Variants in CATSPERE observed in about 807,000 individuals in gnomAD.
The protein encoded by CATSPERE is catsper channel auxiliary subunit epsilon, also known as cation channel sperm-associated auxiliary subunit epsilon.
Under a neutral mutation model 114.1 loss-of-function variants are expected in CATSPERE, and 93 were observed. The ratio of observed to expected loss-of-function variants is 0.81; its 90% confidence interval spans 0.69 to 0.97. The LOEUF is 0.97. Ranked by LOEUF, CATSPERE falls within the 50% of genes least tolerant of loss-of-function variation. The pLI, the probability that CATSPERE is intolerant of heterozygous loss-of-function variation, is 0.00. For synonymous variants in CATSPERE, 341 were observed against 384.1 expected, an observed-to-expected ratio of 0.89 and a Z score of 1.31; for missense variants, 1,058 against 1,131.6, an observed-to-expected ratio of 0.93 and a Z score of 0.93.
intron 17 of CATSPERE, among the ~76,000 whole-genome samples, chr1:244,596,614 G>C (rs1017895094): frequency 3.3e-5 from 5 of 152,032 alleles, no homozygotes; most frequent in African/African-American, 7.3e-5. Flanking sequence ...TGTCTGGGGT[G>C]GGGGGCAAGG....
intron 13 of CATSPERE, among the ~76,000 whole-genome samples, chr1:244,585,914 A>T (rs1396705602): frequency 6.6e-6 from 1 of 152,196 alleles, no homozygotes; most frequent in Non-Finnish European, 1.5e-5. Flanking sequence ...TTCCGAGATG[A>T]ACTTTCCCTG....
At chr1:244,492,050 T>A (rs140960929) in intron 6 of CATSPERE, among the ~76,000 whole-genome samples, 7,386 of 152,100 alleles carry the variant, frequency 0.049, 275 homozygotes, top group Non-Finnish European at 0.07. Flanking sequence ...TCTGAAACTA[T>A]TCCAATCAAT....
At position 244,524,083 on chromosome 1, in the gene CATSPERE, A is replaced by G. The variant is rs1318360286; in HGVS notation, c.536+5385A>G. 5.9e-5 allele frequency among the ~76,000 whole-genome samples: 9 copies of G among 151,696 alleles called. No individual in the cohort carries two copies. The East Asian group carries it at 1.3e-3, about 23-fold the overall frequency. The stretch of plus-strand genomic sequence containing the variant: ...GGAGGCATCACACTACCTGACTTCA[A>G]ACTATACTACAAGGCTGCAGTAACC... On this transcript the variant is annotated intron_variant, in intron 8 of 21. Coordinates refer to ENST00000366534, the MANE Select transcript of CATSPERE (RefSeq NM_001130957.2).
chr1:244,512,488 C>T (rs573528456), intron 7 of CATSPERE, among the ~76,000 whole-genome samples: 1 of 152,168 alleles, frequency 6.6e-6, no homozygotes, highest in South Asian at 2.1e-4. Context: ...TCTTGTATCT[C>T]ACTAAGTTTC....
upstream of CATSPERE, among the ~76,000 whole-genome samples, chr1:244,459,843 G>A (rs923587473): frequency 6.6e-6 from 1 of 152,090 alleles, no homozygotes; most frequent in South Asian, 2.1e-4. Context: ...TGCAACTCTT[G>A]GAAACTCAAC....
chr1:244,632,395 A>AG (rs1183042512), intron 20 of CATSPERE, among the ~76,000 whole-genome samples: 1 of 149,790 alleles, frequency 6.7e-6, no homozygotes, highest in Admixed American at 6.6e-5. Context: ...CTCCAACTCA[A>AG]AAAAAAAAAA....
intron 2 of CATSPERE, among the ~76,000 whole-genome samples, chr1:244,465,928 C>A (rs1240324103): frequency 1.3e-5 from 2 of 152,138 alleles, no homozygotes; most frequent in African/African-American, 4.8e-5. Context: ...CCAACATCTC[C>A]CAATTAAACA....
At chr1:244,604,764 G>A (rs1046220388) in intron 17 of CATSPERE, among the ~76,000 whole-genome samples, 11 of 152,232 alleles carry the variant, frequency 7.2e-5, no homozygotes, top group East Asian at 1.9e-4. Flanking sequence ...GCAAAGGCAC[G>A]ACTTTATCAA....
At chr1:244,495,846 A>ATTTTTTTT in intron 6 of CATSPERE, among the ~76,000 whole-genome samples, 1 of 152,216 alleles carries the variant, frequency 6.6e-6, no homozygotes, top group African/African-American at 2.4e-5. Context: ...GGGGCTGTAA[A>ATTTTTTTT]CAGATAAGGG....
intron 2 of CATSPERE, among the ~76,000 whole-genome samples, chr1:244,477,285 T>C (rs535473015): frequency 6.6e-6 from 1 of 152,204 alleles, no homozygotes; most frequent in Non-Finnish European, 1.5e-5. Context: ...CATGAGCCAC[T>C]GCACCCGGCC....
At chr1:244,512,410 G>T (rs1558402690) in intron 7 of CATSPERE, among the ~76,000 whole-genome samples, 1 of 152,088 alleles carries the variant, frequency 6.6e-6, no homozygotes, top group South Asian at 2.1e-4. Context: ...ATATCTATCT[G>T]TTTGTTAAAT....
chr1:244,455,172 G>T (rs777940930), intron 1 of CATSPERE, among the ~76,000 whole-genome samples: 2 of 152,148 alleles, frequency 1.3e-5, no homozygotes, highest in Non-Finnish European at 2.9e-5. Context: ...ACAGTGGGGG[G>T]TCTGGGTTCT....
chr1:244,598,906 A>G (rs2148661929), intron 17 of CATSPERE, among the ~76,000 whole-genome samples: 2 of 152,220 alleles, frequency 1.3e-5, no homozygotes, highest in Middle Eastern at 6.8e-3. Context: ...CTGCATCTAC[A>G]GCCTGACCGT....
At chr1:244,493,928 C>T (rs1431918831) in intron 6 of CATSPERE, among the ~76,000 whole-genome samples, 1 of 152,038 alleles carries the variant, frequency 6.6e-6, no homozygotes, top group East Asian at 1.9e-4. Flanking sequence ...GTTAGAATGG[C>T]GATCATTAAA....
rs1663915910 is a variant in CATSPERE, at chr1:244,568,353, T to C, written c.1508-3977T>C. Among the ~76,000 whole-genome samples the C allele has an allele frequency of 6.6e-6, 1 of 152,200 alleles. No individual in the cohort carries two copies. The highest frequency in any genetic ancestry group is 2.4e-5 in the African/African-American group (1 of 41,468). ...CCACTTGAGGAAGCCGTCTGTCCCT[T>C]AGCAGAGCTTGAGGGCTGTGCTCGG... On this transcript the variant is annotated intron_variant, in intron 10 of 21. Transcript: ENST00000366534. The surrounding 1 kb of genome is among the most constrained non-coding windows in gnomAD (Gnocchi z 4.4).
At chr1:244,509,686 G>T (rs1483863920) in intron 7 of CATSPERE, among the ~76,000 whole-genome samples, 4 of 152,170 alleles carry the variant, frequency 2.6e-5, no homozygotes, top group African/African-American at 4.8e-5. Flanking sequence ...GTAAAATTCA[G>T]CAGTAAAGCC....
chr1:244,496,336 A>G (rs373111030), intron 6 of CATSPERE, among the ~76,000 whole-genome samples: 5 of 152,344 alleles, frequency 3.3e-5, no homozygotes, highest in Admixed American at 6.5e-5. Context: ...CTAGGTGAAC[A>G]AAAGCCTGAG....
In CATSPERE at chr1:244,518,718, T is replaced by C; in HGVS notation, c.536+20T>C. The C allele has an allele frequency of 8.0e-7, 1 of 1,255,952 alleles. No homozygotes were observed. Among genetic ancestry groups the C allele is most frequent in the Non-Finnish European group, 1.1e-6 (1 of 897,380 alleles). 77.8% of individuals were successfully genotyped at this position (1,255,952 alleles called of 1,614,324 possible). On this transcript the variant is annotated intron_variant, in intron 8 of 21. Transcript: ENST00000366534. ...AAGGGGGTATTTAATTTTTTTTAAT[T>C]TTAAATATAGAAATATGAAAACTTA...
intron 7 of CATSPERE, among the ~76,000 whole-genome samples, chr1:244,514,577 C>T (rs1221592558): frequency 6.6e-6 from 1 of 152,070 alleles, no homozygotes; most frequent in African/African-American, 2.4e-5. Context: ...CGCCTGTAAT[C>T]CCAGCACTTT....
Sources: allele counts gnomAD v4.1 joint callset (sites outside exome capture counted in the v4.1 genomes callset), GRCh38; gene constraint gnomAD v4.1.1; non-coding constraint Gnocchi (gnomAD v3.1); transcripts MANE v1.5; gene names NCBI Gene and HGNC (gene_info 2026-07-23, HGNC 2026-07-21).